Variants in TNR observed in about 807,000 individuals in gnomAD.
TNR encodes the protein tenascin-R.
Under a neutral mutation model 150.4 loss-of-function variants are expected in TNR, and 45 were observed. The observed-to-expected ratio is 0.30, with a 90% confidence interval of 0.24 to 0.38. The LOEUF (loss-of-function observed/expected upper bound fraction) is 0.38, where lower values mean the gene tolerates loss of function less well. TNR is among the 10% of genes least tolerant of loss of function. The pLI, the probability that TNR is intolerant of heterozygous loss-of-function variation, is 1.00. For missense variants in TNR, 1,544 were observed against 1,759.1 expected (o/e 0.88, Z 2.19); for synonymous variants, 687 against 678.4 (o/e 1.01, Z -0.20).
At chr1:175,588,036 G>C (rs1558023453) in intron 1 of TNR, among the ~76,000 whole-genome samples, 1 of 152,184 alleles carries the variant, frequency 6.6e-6, no homozygotes, top group Non-Finnish European at 1.5e-5. Flanking sequence ...CATGTAAAAG[G>C]TTACTAAGTA....
intron 2 of TNR, among the ~76,000 whole-genome samples, chr1:175,447,557 A>G (rs1656110773): frequency 6.6e-6 from 1 of 152,196 alleles, no homozygotes; most frequent in Admixed American, 6.5e-5. Flanking sequence ...TAAATCAGCA[A>G]ATTGAAAAGT....
At chr1:175,737,900 T>C (rs77117867) in intron 1 of TNR, among the ~76,000 whole-genome samples, 1,838 of 152,294 alleles carry the variant, frequency 0.012, 35 homozygotes, top group African/African-American at 0.042. Context: ...AAGTTTCACC[T>C]TGTAATACAT....
chr1:175,435,327 A>G (rs1424875619), intron 2 of TNR, among the ~76,000 whole-genome samples: 1 of 152,322 alleles, frequency 6.6e-6, no homozygotes, highest in Non-Finnish European at 1.5e-5. Context: ...TGATGGATTG[A>G]TAGTTGGTGA....
intron 22 of TNR, 66 bp downstream of exon 22, chr1:175,324,290 T>TC: frequency 6.6e-7 from 1 of 1,512,632 alleles, no homozygotes; most frequent in African/African-American, 1.4e-5. Flanking sequence ...TTTTAAAATA[T>TC]AAAGCTAAGG....
intron 2 of TNR, among the ~76,000 whole-genome samples, chr1:175,498,917 C>T (rs1200946128): frequency 6.6e-6 from 1 of 152,198 alleles, no homozygotes; most frequent in East Asian, 1.9e-4. Flanking sequence ...TAGCATTAAA[C>T]TGTTTGCTCT....
intron 9 of TNR, among the ~76,000 whole-genome samples, chr1:175,371,418 C>T (rs1652101077): frequency 6.6e-6 from 1 of 152,156 alleles, no homozygotes; most frequent in Non-Finnish European, 1.5e-5. Context: ...TAAGGGCCTC[C>T]TTTGTGTCAG....
At chr1:175,614,564 TC>T (rs1663707532) in intron 1 of TNR, among the ~76,000 whole-genome samples, 1 of 152,176 alleles carries the variant, frequency 6.6e-6, no homozygotes, top group Non-Finnish European at 1.5e-5. Flanking sequence ...ATTTCATCCC[TC>T]CTTTCTGGGA....
intron 4 of TNR, among the ~76,000 whole-genome samples, chr1:175,402,416 T>C (rs1571390795): frequency 6.6e-6 from 1 of 151,690 alleles, no homozygotes. Context: ...TACATCATCC[T>C]TCTATCAGCT....
At chr1:175,525,620 C>T (rs558646414) in intron 2 of TNR, among the ~76,000 whole-genome samples, 4 of 152,322 alleles carry the variant, frequency 2.6e-5, no homozygotes, top group Middle Eastern at 3.4e-3. Context: ...TTGCCCACAG[C>T]GATGCCCAAG....
chr1:175,603,728 T>C (rs1034216315), intron 1 of TNR, among the ~76,000 whole-genome samples: 17 of 152,184 alleles, frequency 1.1e-4, no homozygotes, highest in African/African-American at 4.1e-4. Context: ...TAGGTAACCC[T>C]CTCATCAACC....
chr1:175,582,957 A>T (rs926840898), intron 1 of TNR, among the ~76,000 whole-genome samples: 2 of 152,068 alleles, frequency 1.3e-5, no homozygotes, highest in Non-Finnish European at 1.5e-5. Flanking sequence ...CTACAATATG[A>T]TGGCATGCAA....
intron 2 of TNR, among the ~76,000 whole-genome samples, chr1:175,434,970 C>T (rs545811340): frequency 5.3e-5 from 8 of 152,324 alleles, no homozygotes; most frequent in African/African-American, 1.9e-4. Context: ...ACAGCCAGCA[C>T]TCTGTCATTG....
At chr1:175,434,334 C>T (rs1655401749) in intron 2 of TNR, among the ~76,000 whole-genome samples, 2 of 152,112 alleles carry the variant, frequency 1.3e-5, no homozygotes, top group South Asian at 4.1e-4. Context: ...TGGATCACCT[C>T]TTGCCTGAAT....
intron 2 of TNR, among the ~76,000 whole-genome samples, chr1:175,448,848 G>T (rs1191494738): frequency 6.6e-6 from 1 of 152,198 alleles, no homozygotes; most frequent in Non-Finnish European, 1.5e-5. Flanking sequence ...GAGTGGATGT[G>T]GTTCTGAGTT....
intron 1 of TNR, among the ~76,000 whole-genome samples, chr1:175,656,195 TGG>T (rs1558057735): frequency 1.8e-4 from 27 of 150,030 alleles, no homozygotes; most frequent in African/African-American, 6.7e-4. Flanking sequence ...TGTGTGTATG[TGG>T]TCTACCTTTT....
intron 2 of TNR, among the ~76,000 whole-genome samples, chr1:175,424,008 GTTT>G (rs921741941): frequency 6.6e-6 from 1 of 152,134 alleles, no homozygotes; most frequent in Non-Finnish European, 1.5e-5. Context: ...TGAAAAAAAA[GTTT>G]TTTTCTGATT....
chr1:175,660,303 T>G (rs907164971), intron 1 of TNR, among the ~76,000 whole-genome samples: 1 of 152,226 alleles, frequency 6.6e-6, no homozygotes, highest in African/African-American at 2.4e-5. Flanking sequence ...CTTAGCTCAT[T>G]CAGTTCCTAC....
At chr1:175,557,767 A>G (rs1661230585) in intron 1 of TNR, among the ~76,000 whole-genome samples, 1 of 142,538 alleles carries the variant, frequency 7.0e-6, no homozygotes. Flanking sequence ...CCATCCCATT[A>G]CTGGGTATAT....
At chr1:175,709,240 C>T (rs1291128503) in intron 1 of TNR, among the ~76,000 whole-genome samples, 2 of 151,708 alleles carry the variant, frequency 1.3e-5, no homozygotes, top group African/African-American at 2.4e-5. Context: ...GACGATATGC[C>T]TTGTGTGTAG....
Sources: allele counts gnomAD v4.1 joint callset (sites outside exome capture counted in the v4.1 genomes callset), GRCh38; gene constraint gnomAD v4.1.1; transcripts MANE v1.5; gene names NCBI Gene and HGNC (gene_info 2026-07-23, HGNC 2026-07-21).